TSPEAR: variants seen among roughly 807,000 people sequenced by gnomAD.
TSPEAR encodes thrombospondin-type laminin G domain and EAR repeat-containing protein.
TSPEAR carries 69 observed loss-of-function variants against 71.6 expected under a neutral mutation model. The ratio of observed to expected loss-of-function variants is 0.96; its 90% CI spans 0.79 to 1.18. TSPEAR has a LOEUF of 1.18. Among genes scored for constraint, TSPEAR ranks in the 50% most tolerant of loss-of-function variants. The pLI, the probability that TSPEAR is intolerant of heterozygous loss-of-function variation, is 0.00. For missense variants in TSPEAR, 971 were observed against 894.9 expected (o/e 1.09, Z -1.09); for synonymous variants, 402 against 387.2 (o/e 1.04, Z -0.45).
At chr21:44,647,079 C>A (rs1259363477) in intron 1 of TSPEAR, 4 of 1,613,814 alleles carry the variant, frequency 2.5e-6, no homozygotes, top group Middle Eastern at 3.3e-4. Flanking sequence ...GTGTGCCTGT[C>A]TGCTCTAGGG....
rs587609636 is a variant in TSPEAR at position 44,539,766 on chromosome 21, G to A, written c.304-5843C>T. 33 of 1,612,672 alleles carry A rather than the reference G, an allele frequency of 2.0e-5. No homozygotes were observed. The Admixed American group carries it at 5.2e-4, about 25-fold the overall frequency. On this transcript the variant is annotated intron_variant, in intron 2 of 11. Transcript: ENST00000323084. ...CTGGAGGAAGAGGCACAGCAAGTTG[G>A]CTGGCAGCTAGACTGCTGGCAGCAT...
chr21:44,547,663 G>A (rs940613357), intron 2 of TSPEAR, among the ~76,000 whole-genome samples: 3 of 152,324 alleles, frequency 2.0e-5, no homozygotes, highest in Middle Eastern at 3.4e-3. Context: ...TTCCTTAAAC[G>A]CCTGGAATCA....
intron 1 of TSPEAR, among the ~76,000 whole-genome samples, chr21:44,672,232 G>A (rs1460321402): frequency 1.3e-5 from 2 of 152,200 alleles, no homozygotes; most frequent in Admixed American, 6.5e-5. Context: ...TCTAATATTG[G>A]ATGTTCCAGA....
intron 1 of TSPEAR, among the ~76,000 whole-genome samples, chr21:44,670,562 G>C (rs1986007911): frequency 6.6e-6 from 1 of 152,184 alleles, no homozygotes; most frequent in Non-Finnish European, 1.5e-5. Flanking sequence ...TGGTAAATGA[G>C]AGATTCCCAG....
At chr21:44,702,193 AG>A (rs1987681736) in intron 1 of TSPEAR, 1 of 1,540,600 alleles carries the variant, frequency 6.5e-7, no homozygotes, top group Non-Finnish European at 8.8e-7. Context: ...ACAGAGCAAA[AG>A]CTCCAGAGGA....
chr21:44,598,857 C>G (rs972778046), intron 1 of TSPEAR, among the ~76,000 whole-genome samples: 14 of 152,128 alleles, frequency 9.2e-5, no homozygotes, highest in African/African-American at 3.4e-4. Flanking sequence ...TAGGTCTGCT[C>G]GTGTTCAGTT....
At chr21:44,578,487 C>T (rs1555924249) in intron 1 of TSPEAR, among the ~76,000 whole-genome samples, 3 of 152,104 alleles carry the variant, frequency 2.0e-5, no homozygotes, top group Non-Finnish European at 4.4e-5. Context: ...CCAATCTAAC[C>T]CAAACTTTTC....
At chr21:44,529,667 C>T in intron 5 of TSPEAR, 131 bp downstream of exon 5, 2 of 1,035,312 alleles carry the variant, frequency 1.9e-6, no homozygotes, top group African/African-American at 1.6e-5. Flanking sequence ...TGACCGCTGC[C>T]CCCCGTAGCA....
chr21:44,533,873 C>A lies in TSPEAR; in HGVS notation c.354G>T (p.Leu118=), dbSNP rs200243038. Reference sequence around the variant, plus strand: ...GGGCAGGTGACAACCGCAGGCCGAGCAGCAGCAGGTCGCTCTCCTCTGCCA... The same window carrying A: ...GGGCAGGTGACAACCGCAGGCCGAGAAGCAGCAGGTCGCTCTCCTCTGCCA... ...TVVAEESDLL[L]LGLRLSPAQL... Residue 118 remains leucine (L), a synonymous_variant, in exon 3 of 12, where the codon CTG becomes CTT. Transcript: ENST00000323084. 17 of 1,612,152 alleles carry A rather than the reference C, an allele frequency of 1.1e-5. No individual in the cohort carries two copies. The highest frequency in any genetic ancestry group is 1.4e-5 in the Non-Finnish European group (17 of 1,179,858).
intron 1 of TSPEAR, chr21:44,637,868 T>G: frequency 1.3e-6 from 2 of 1,530,464 alleles, no homozygotes; most frequent in African/African-American, 2.8e-5. Context: ...TGTGCCTGTC[T>G]GCTCTAAGTC....
chr21:44,630,211 T>A (rs1343659093), intron 1 of TSPEAR, among the ~76,000 whole-genome samples: 2 of 152,036 alleles, frequency 1.3e-5, no homozygotes, highest in African/African-American at 4.8e-5. Context: ...AGGTAAATAA[T>A]TTCTTCTCTA....
At chr21:44,562,204 C>G (rs2053645422) in intron 2 of TSPEAR, among the ~76,000 whole-genome samples, 1 of 152,150 alleles carries the variant, frequency 6.6e-6, no homozygotes, top group Admixed American at 6.5e-5. Context: ...AGCAGATAGC[C>G]AAATCATGAG....
intron 6 of TSPEAR, 36 bp from the exon 7 acceptor site, chr21:44,527,554 C>T: frequency 6.2e-7 from 1 of 1,604,970 alleles, no homozygotes; most frequent in Non-Finnish European, 8.5e-7. Flanking sequence ...GTTAAGATTT[C>T]CGAGAACGGA....
At chr21:44,674,725 C>G (rs1986219308) in intron 1 of TSPEAR, among the ~76,000 whole-genome samples, 1 of 133,674 alleles carries the variant, frequency 7.5e-6, no homozygotes, top group Non-Finnish European at 1.6e-5. Flanking sequence ...GAGACTCTGT[C>G]TTTAAAGTGT....
chr21:44,706,818 C>T (rs1555952480), intron 1 of TSPEAR, among the ~76,000 whole-genome samples: 1 of 152,198 alleles, frequency 6.6e-6, no homozygotes, highest in East Asian at 1.9e-4. Context: ...CTGACAGTGC[C>T]CAAGCTGCCC....
intron 1 of TSPEAR, among the ~76,000 whole-genome samples, chr21:44,689,737 A>ATTTTTTTTTTT: frequency 7.9e-6 from 1 of 127,148 alleles, no homozygotes; most frequent in African/African-American, 3.2e-5. Flanking sequence ...ATATATATAT[A>ATTTTTTTTTTT]TATTTTGGGG....
chr21:44,627,155 C>T (rs372915745), intron 1 of TSPEAR: 94 of 1,607,146 alleles, frequency 5.8e-5, no homozygotes, highest in Non-Finnish European at 7.5e-5. Context: ...CCCAGCTCAC[C>T]TCCTCCCCAC....
chr21:44,708,355 C>T (rs1334883847), intron 1 of TSPEAR, among the ~76,000 whole-genome samples: 13 of 152,248 alleles, frequency 8.5e-5, no homozygotes, highest in East Asian at 5.8e-4. Context: ...GGCACACAGC[C>T]TTCCAGGAGC....
At chr21:44,575,185 C>T (rs886727014) in intron 1 of TSPEAR, 32 of 768,030 alleles carry the variant, frequency 4.2e-5, no homozygotes, top group Admixed American at 2.9e-4. Flanking sequence ...AGCCCTCTTG[C>T]GGGGGGAGGG....
Sources: allele counts gnomAD v4.1 joint callset (sites outside exome capture counted in the v4.1 genomes callset), GRCh38; gene constraint gnomAD v4.1.1; transcripts MANE v1.5; gene names NCBI Gene and HGNC (gene_info 2026-07-23, HGNC 2026-07-21).